The following FOXJ3 variants were observed in gnomAD, a reference collection of about 807,000 sequenced individuals.
FOXJ3 encodes forkhead box J3, also known as forkhead box protein J3.
Under a neutral mutation model 76.1 loss-of-function variants are expected in FOXJ3, and 22 were observed. That is an observed-to-expected ratio of 0.29 (90% CI 0.21 to 0.41). The LOEUF is 0.41. Ranked by LOEUF, FOXJ3 falls within the 10% of genes least tolerant of loss-of-function variation. The pLI is 1.00. For missense variants in FOXJ3, 613 were observed against 762.1 expected (o/e 0.80, Z 2.30); for synonymous variants, 269 against 261.2 (o/e 1.03, Z -0.29).
intron 1 of FOXJ3, among the ~76,000 whole-genome samples, chr1:42,317,652 A>C (rs1211888670): frequency 6.6e-6 from 1 of 152,146 alleles, no homozygotes; most frequent in East Asian, 1.9e-4. Flanking sequence ...TTTTAATAGA[A>C]GATAATAATA....
intron 1 of FOXJ3, among the ~76,000 whole-genome samples, chr1:42,332,876 A>G (rs1656243514): frequency 6.6e-6 from 1 of 152,064 alleles, no homozygotes; most frequent in Non-Finnish European, 1.5e-5. Flanking sequence ...TACACTTTTG[A>G]CCTTGGTTGT....
chr1:42,326,272 C>T (rs1167276923), intron 1 of FOXJ3, among the ~76,000 whole-genome samples: 2 of 152,264 alleles, frequency 1.3e-5, no homozygotes, highest in East Asian at 1.9e-4. Context: ...CGAAGATCCA[C>T]ATTTTTCCAA....
At chr1:42,302,587 C>T (rs1201716875) in intron 2 of FOXJ3, among the ~76,000 whole-genome samples, 1 of 152,200 alleles carries the variant, frequency 6.6e-6, no homozygotes, top group Non-Finnish European at 1.5e-5. Flanking sequence ...ATCTCCACTG[C>T]CCCAAGTTCT....
At chr1:42,276,355 TA>T (rs574111660) in intron 3 of FOXJ3, among the ~76,000 whole-genome samples, 2 of 150,406 alleles carry the variant, frequency 1.3e-5, no homozygotes, top group East Asian at 3.9e-4. Context: ...GACTCTGTCT[TA>T]AAAAAAAGGG....
At chr1:42,267,798 T>C (rs1315310756) in intron 3 of FOXJ3, among the ~76,000 whole-genome samples, 3 of 151,992 alleles carry the variant, frequency 2.0e-5, no homozygotes, top group Non-Finnish European at 4.4e-5. Context: ...ATATAAACGA[T>C]AGAAATAAAA....
At chr1:42,268,436 T>A (rs1419136673) in intron 3 of FOXJ3, among the ~76,000 whole-genome samples, 2 of 152,070 alleles carry the variant, frequency 1.3e-5, no homozygotes, top group East Asian at 3.9e-4. Context: ...GAAGTTCTTT[T>A]GGCAGAAGTA....
intron 5 of FOXJ3, among the ~76,000 whole-genome samples, chr1:42,207,839 T>C (rs1646889751): frequency 2.0e-5 from 3 of 152,310 alleles, no homozygotes; most frequent in East Asian, 1.9e-4. Context: ...CAGGTACACA[T>C]TGAGAGCAAG....
chr1:42,266,199 C>A (rs988480639), intron 3 of FOXJ3, among the ~76,000 whole-genome samples: 1 of 152,072 alleles, frequency 6.6e-6, no homozygotes, highest in African/African-American at 2.4e-5. Flanking sequence ...TTATCTCCCT[C>A]AGGCACAATA....
At chr1:42,214,743 C>T (rs566741787) in intron 5 of FOXJ3, among the ~76,000 whole-genome samples, 4 of 152,108 alleles carry the variant, frequency 2.6e-5, no homozygotes, top group South Asian at 2.1e-4. Flanking sequence ...GCTGTTCTTC[C>T]GTCAGGAGGA....
intron 1 of FOXJ3, among the ~76,000 whole-genome samples, chr1:42,324,111 C>CACAGTGTATATATACAGTGTATATAT (rs1557725951): frequency 2.9e-4 from 8 of 27,520 alleles, no homozygotes; most frequent in African/African-American, 7.0e-4. Flanking sequence ...TGTGTATATA[C>CACAGTGTATATATACAGTGTATATAT]ACTGTATATA....
intron 4 of FOXJ3, among the ~76,000 whole-genome samples, chr1:42,237,817 G>C (rs1465587978): frequency 1.3e-5 from 2 of 151,522 alleles, no homozygotes; most frequent in Non-Finnish European, 2.9e-5. Context: ...GTGTGATAAG[G>C]AGCAATATTA....
rs71065112 is a variant in FOXJ3, at chr1:42,280,438, TAAAAAAAA to T, written c.45-1774_45-1767del. Reference sequence around the variant, plus strand: ...ATCCATATAGCATCTTCAGAGATCTTAAAAAAAAAAAAAAAAAAAAAAAAAAAACTTAC... The same window carrying T: ...ATCCATATAGCATCTTCAGAGATCTTAAAAAAAAAAAAAAAAAAAACTTAC... On this transcript the variant is annotated intron_variant, in intron 2 of 12. Transcript: ENST00000361346. 5.8e-3 allele frequency: 447 copies of T among 77,584 alleles called. 3 individuals are homozygous for T. The Middle Eastern group carries it at 0.064, about 11-fold the overall frequency. The allele number at this position is 77,584 out of a possible 1,614,324, so 4.8% of individuals were successfully genotyped here. A position where few individuals can be genotyped will look rare whatever the true frequency, so the allele number is the denominator to read the frequency against.
chr1:42,292,983 C>G (rs548729106), intron 2 of FOXJ3, among the ~76,000 whole-genome samples: 2 of 151,948 alleles, frequency 1.3e-5, no homozygotes, highest in Non-Finnish European at 2.9e-5. Context: ...CACCTGTAGT[C>G]CCAGCTACTC....
chr1:42,186,951 G>A (rs1037224682), intron 11 of FOXJ3, among the ~76,000 whole-genome samples: 5 of 152,074 alleles, frequency 3.3e-5, no homozygotes, highest in Non-Finnish European at 5.9e-5. Flanking sequence ...AGGTTCCAGC[G>A]ATTCCCCTGC....
At chr1:42,203,995 CAAA>C (rs35629903) in intron 6 of FOXJ3, among the ~76,000 whole-genome samples, 7 of 125,304 alleles carry the variant, frequency 5.6e-5, no homozygotes, top group East Asian at 2.3e-4. Flanking sequence ...GATCCTGTCT[CAAA>C]AAAAAAAAAA....
chr1:42,251,699 T>C (rs1398587076), intron 4 of FOXJ3, among the ~76,000 whole-genome samples: 2 of 138,710 alleles, frequency 1.4e-5, no homozygotes, highest in Non-Finnish European at 3.0e-5. Context: ...GGATTCGGTT[T>C]GCCAGTATTT....
At position 42,303,635 on chromosome 1, in the gene FOXJ3, A is replaced by C. The variant is rs150364297; in HGVS notation, c.44+7415T>G. 4.4e-3 allele frequency among the ~76,000 whole-genome samples: 665 copies of C among 152,372 alleles called. 5 individuals are homozygous for C. The highest frequency in any genetic ancestry group is 0.015 in the African/African-American group (632 of 41,586). On this transcript the variant is annotated intron_variant, in intron 2 of 12. Coordinates refer to ENST00000361346, the MANE Select transcript of FOXJ3 (RefSeq NM_014947.5). ...TAAGTAGACAAATTAGATCAATAAT[A>C]AAAGGCATCTTTAAGGAAGAAGCGT...
chr1:42,195,668 G>A (rs1160485113), intron 7 of FOXJ3, among the ~76,000 whole-genome samples: 1 of 152,198 alleles, frequency 6.6e-6, no homozygotes, highest in Non-Finnish European at 1.5e-5. Context: ...CTACATGAAA[G>A]GGTGGTAAAC....
At chr1:42,226,537 A>C (rs954612249) in intron 5 of FOXJ3, among the ~76,000 whole-genome samples, 1 of 152,008 alleles carries the variant, frequency 6.6e-6, no homozygotes, top group African/African-American at 2.4e-5. Flanking sequence ...TGAACACAGG[A>C]GGTGGGGTTG....
Sources: gnomAD v4.1 joint callset for allele counts (sites outside exome capture counted in the v4.1 genomes callset) on GRCh38, gnomAD v4.1.1 for gene constraint, MANE v1.5 for transcripts, NCBI Gene and HGNC (gene_info 2026-07-23, HGNC 2026-07-21) for gene names.